DENND4A: variants seen among roughly 807,000 people sequenced by gnomAD.
DENND4A encodes the protein C-myc promoter-binding protein.
Under a neutral mutation model 199.3 loss-of-function variants are expected in DENND4A, and 70 were observed. The ratio of observed to expected loss-of-function variants is 0.35; its 90% confidence interval spans 0.29 to 0.43. The LOEUF (loss-of-function observed/expected upper bound fraction) is 0.43. Ranked by LOEUF, DENND4A falls within the 20% of genes least tolerant of loss-of-function variation. The pLI is 1.00. For missense variants in DENND4A, 1,723 were observed against 2,255.8 expected (o/e 0.76, Z 4.78); for synonymous variants, 686 against 766.9 (o/e 0.89, Z 1.74).
chr15:65,715,955 C>T, intron 13 of DENND4A, among the ~76,000 whole-genome samples: 1 of 151,998 alleles, frequency 6.6e-6, no homozygotes, highest in Non-Finnish European at 1.5e-5. Flanking sequence ...ACACTCTCTC[C>T]ATATAAATAT....
rs2077141351 is a variant in DENND4A, at chr15:65,771,918, A to G, written c.-101-10480T>C. 4.3e-6 allele frequency: 7 copies of G among 1,611,266 alleles called. No individual in the cohort carries two copies. In the Admixed American group the frequency reaches 1.2e-4, roughly 27 times the overall value. Reference sequence around the variant, plus strand: ...GGTTTTTGTCTGGATGAAACTTCAAAGCAAGCTTTCTATAAGCTTTTTTCA... The same window carrying G: ...GGTTTTTGTCTGGATGAAACTTCAAGGCAAGCTTTCTATAAGCTTTTTTCA... On this transcript the variant is annotated intron_variant, in intron 1 of 32. Coordinates refer to ENST00000443035, the MANE Select transcript of DENND4A (RefSeq NM_001320835.1).
At chr15:65,711,532 A>C (rs997948664) in intron 14 of DENND4A, among the ~76,000 whole-genome samples, 2 of 152,178 alleles carry the variant, frequency 1.3e-5, no homozygotes, top group Non-Finnish European at 2.9e-5. Flanking sequence ...CAGGTTTTCA[A>C]AGCTTTATAG....
At chr15:65,698,982 C>A (rs2077255503) in intron 20 of DENND4A, among the ~76,000 whole-genome samples, 1 of 152,038 alleles carries the variant, frequency 6.6e-6, no homozygotes, top group African/African-American at 2.4e-5. Context: ...AAGTGACCTG[C>A]CTGCCTTGGC....
intron 1 of DENND4A, chr15:65,767,504 G>A (rs928522797): frequency 1.3e-5 from 2 of 152,136 alleles, no homozygotes; most frequent in African/African-American, 2.4e-5. Flanking sequence ...GTGCAGTGGT[G>A]TAATTATAGC....
chr15:65,776,913 ATC>A (rs1201401333), intron 1 of DENND4A, among the ~76,000 whole-genome samples: 2 of 152,148 alleles, frequency 1.3e-5, no homozygotes, highest in African/African-American at 4.8e-5. Context: ...GTGGCCTGTA[ATC>A]CCAGCAAGTT....
chr15:65,703,684 G>C (rs1353863950), intron 15 of DENND4A, among the ~76,000 whole-genome samples: 4 of 152,222 alleles, frequency 2.6e-5, no homozygotes, highest in Non-Finnish European at 5.9e-5. Context: ...CTAGCAGCTA[G>C]GCTGGGTGCA....
rs371866786 is a variant in DENND4A, at chr15:65,706,170, T to C, written c.2008A>G (p.Lys670Glu). 5 of 1,607,016 alleles carry C rather than the reference T, an allele frequency of 3.1e-6. No homozygotes were observed. The South Asian group carries it at 5.6e-5, about 18-fold the overall frequency. The change falls in exon 15 of 33, where the codon AAA becomes GAA. Residue 670 changes from lysine (K) to glutamate (E), a missense_variant. Transcript: ENST00000443035. ...VRLIELDESFKSEHTVFVTPP... is the reference protein window; with the variant it reads ...VRLIELDESFESEHTVFVTPP... ...GTTACAAAAACAGTGTGTTCACTTT[T>C]GAAAGATTCATCCAGTTCTATAAGT... is the stretch of plus-strand genomic sequence containing the variant.
intron 12 of DENND4A, 24 bp from the exon 13 acceptor site, chr15:65,718,020 GTT>G (rs747454450): frequency 4.6e-6 from 7 of 1,522,040 alleles, no homozygotes; most frequent in Non-Finnish European, 8.9e-7. Flanking sequence ...CAGTGTTAGT[GTT>G]TTCTCCAAAC....
Position 65,756,219 on chromosome 15 carries a change from T to G in DENND4A, c.232A>C (p.Asn78His), listed in dbSNP as rs776426929. ...VTPTGLSADLNNGSLVGPQIY... is the reference protein window; with the variant it reads ...VTPTGLSADLHNGSLVGPQIY... ...TGTGGCCCCACAAGACTTCCATTATTAAGATCAGCTGACAATCCAGTTGGG... is the reference window on the plus strand; with the variant it reads ...TGTGGCCCCACAAGACTTCCATTATGAAGATCAGCTGACAATCCAGTTGGG... Residue 78 changes from asparagine to histidine, a missense_variant, in exon 3 of 33, where the codon AAT (asparagine) becomes CAT (histidine). By Grantham distance (68) the Asn-to-His change is moderately conservative (BLOSUM62 1). This residue lies in a region of DENND4A where 725 missense variants were observed against 952.9 expected (regional missense o/e 0.76). Transcript: ENST00000443035. 37 of 1,612,108 alleles carry G rather than the reference T, an allele frequency of 2.3e-5. No homozygotes were observed. The South Asian group carries it at 4.1e-4, about 18-fold the overall frequency.
intron 11 of DENND4A, among the ~76,000 whole-genome samples, chr15:65,725,005 T>C (rs770703237): frequency 3.9e-5 from 6 of 152,232 alleles, no homozygotes; most frequent in Non-Finnish European, 7.3e-5. Context: ...AACATCTTGG[T>C]ATCATCTGAT....
intron 1 of DENND4A, among the ~76,000 whole-genome samples, chr15:65,773,884 T>C (rs1023976433): frequency 1.3e-5 from 2 of 151,858 alleles, no homozygotes; most frequent in African/African-American, 4.8e-5. Flanking sequence ...TTTGGTTGGT[T>C]GATTATTTTT....
Position 65,782,966 on chromosome 15 carries a change from C to CT in DENND4A, c.-102+9043dup, listed in dbSNP as rs79229683. On this transcript the variant is annotated intron_variant, in intron 1 of 32. Coordinates refer to ENST00000443035, the MANE Select transcript of DENND4A (RefSeq NM_001320835.1). ...AGGAAATACTACTGATGGAAGGGATCTTTTTTTTTTTTTTGGTCACAAAAG... is the reference window on the plus strand; with the variant it reads ...AGGAAATACTACTGATGGAAGGGATCTTTTTTTTTTTTTTTGGTCACAAAAG... Among the ~76,000 whole-genome samples the CT allele has an allele frequency of 9.7e-3, 1,289 of 133,202 alleles. 11 individuals are homozygous for CT. Among genetic ancestry groups the CT allele is most frequent in the East Asian group, 0.025 (117 of 4,668 alleles). 87.4% of individuals were successfully genotyped at this position (133,202 alleles called of 152,430 possible). A position where few individuals can be genotyped will look rare whatever the true frequency, so the allele number is the denominator to read the frequency against.
chr15:65,709,719 A>AAAAAATATAT (rs1218030026), intron 14 of DENND4A, among the ~76,000 whole-genome samples: 1 of 51,450 alleles, frequency 1.9e-5, no homozygotes, highest in South Asian at 8.0e-4. Flanking sequence ...AAAAAAAAAA[A>AAAAAATATAT]ATATATATAT....
chr15:65,684,983 C>T (rs1255362158), intron 23 of DENND4A, among the ~76,000 whole-genome samples: 1 of 151,980 alleles, frequency 6.6e-6, no homozygotes, highest in African/African-American at 2.4e-5. Context: ...CACCACCATG[C>T]CTGGCTAATC....
At chr15:65,771,895 T>C (rs1596667053) in intron 1 of DENND4A, 1 of 1,611,726 alleles carries the variant, frequency 6.2e-7, no homozygotes, top group Non-Finnish European at 8.5e-7. Flanking sequence ...AGGTGCATGG[T>C]TTTTGTCTGG....
chr15:65,668,210 CT>C (rs878910664), intron 27 of DENND4A, 87 bp from the exon 28 acceptor site: 143,471 of 642,126 alleles, frequency 0.22, 2 homozygotes, highest in South Asian at 0.28. Context: ...CTCTCTCTCT[CT>C]TTTTTTTTTT....
intron 1 of DENND4A, among the ~76,000 whole-genome samples, chr15:65,764,521 C>T (rs1425396838): frequency 6.6e-6 from 1 of 152,088 alleles, no homozygotes; most frequent in Non-Finnish European, 1.5e-5. Flanking sequence ...ATTCCAGCTA[C>T]TCGGGAGGCT....
In DENND4A at chr15:65,665,474, A is replaced by G. The variant is rs1457461840; in HGVS notation, c.5242-12T>C. 4 of 1,576,284 alleles carry G rather than the reference A, an allele frequency of 2.5e-6. No individual in the cohort carries two copies. The highest frequency in any genetic ancestry group is 2.7e-5 in the African/African-American group (2 of 74,126). On this transcript the variant is annotated splice_polypyrimidine_tract_variant and intron_variant, in intron 29 of 32. Coordinates refer to ENST00000443035, the MANE Select transcript of DENND4A (RefSeq NM_001320835.1). ...CAGTGGCGGGGAATCTGTGTTATAC[A>G]ATAAACATTCATTAATGATCCTTAC...
intron 9 of DENND4A, among the ~76,000 whole-genome samples, chr15:65,730,517 T>A (rs192479343): frequency 6.6e-6 from 1 of 152,168 alleles, no homozygotes; most frequent in Non-Finnish European, 1.5e-5. Flanking sequence ...AAAACGTATA[T>A]CCATACAATG....
Sources: allele counts gnomAD v4.1 joint callset (sites outside exome capture counted in the v4.1 genomes callset), GRCh38; gene constraint gnomAD v4.1.1; regional missense constraint gnomAD v4.1.1; transcripts MANE v1.5; gene names NCBI Gene and HGNC (gene_info 2026-07-23, HGNC 2026-07-21).